RAP1GAP: variants seen among roughly 807,000 people sequenced by gnomAD.
RAP1GAP encodes the protein RAP1 GTPase activating protein, also known as rap1 GTPase-activating protein 1.
In RAP1GAP, 35 loss-of-function variants were observed where a neutral mutation model predicts 87.2. That is an observed-to-expected ratio of 0.40 (90% CI 0.31 to 0.53). The LOEUF (loss-of-function observed/expected upper bound fraction) is 0.53. Among genes scored for constraint, RAP1GAP ranks in the 20% least tolerant of loss-of-function variants. The pLI, the probability that RAP1GAP is intolerant of heterozygous loss-of-function variation, is 0.48. For missense variants in RAP1GAP, 734 were observed against 898.9 expected, an observed-to-expected ratio of 0.82 and a Z score of 2.35; for synonymous variants, 375 against 363.9, an observed-to-expected ratio of 1.03 and a Z score of -0.35.
chr1:21,626,154 G>T, intron 3 of RAP1GAP, 150 bp downstream of exon 3: 1 of 664,638 alleles, frequency 1.5e-6, no homozygotes, highest in Non-Finnish European at 2.6e-6. Context: ...GGGCTCAGGA[G>T]TGGCAACCCC....
chr1:21,617,369 T>C lies in RAP1GAP; in HGVS notation c.228A>G (p.Thr76=). The change falls in exon 7 of 25, where the codon ACA becomes ACG. Residue 76 remains threonine, a synonymous_variant. Coordinates refer to ENST00000374765, the MANE Select transcript of RAP1GAP (RefSeq NM_002885.4). ...IPETEPLQSP[T]TKVKLECNPT... ...GGTTGCACTCGAGCTTCACCTTGGT[T>C]GTGGGCGACTGCAGTGGCTCTGTCT... 1 of 1,600,866 alleles carries C rather than the reference T, an allele frequency of 6.2e-7. No individual in the cohort carries two copies. Among genetic ancestry groups the C allele is most frequent in the Non-Finnish European group, 8.5e-7 (1 of 1,173,828 alleles).
intron 1 of RAP1GAP, among the ~76,000 whole-genome samples, chr1:21,653,580 C>CTTCT (rs1553496401): frequency 0.027 from 3,340 of 122,062 alleles, 137 homozygotes; most frequent in Non-Finnish European, 0.033. Flanking sequence ...TCCTTCCTTC[C>CTTCT]TTCCTTCCTT....
chr1:21,669,164 C>T lies in RAP1GAP; in HGVS notation c.-149+90G>A, dbSNP rs2097499632. The T allele has an allele frequency of 7.5e-6, 9 of 1,192,220 alleles. 1 individual carries two copies. In the South Asian group the frequency reaches 1.3e-4, roughly 17 times the overall value. 73.9% of individuals were successfully genotyped at this position (1,192,220 alleles called of 1,614,324 possible). ...CCCACCCTCCGTCCCCGCCCGCCCGCGCGGGGTCTTCGCTGCGAGCCGACG... is the reference window on the plus strand; with the variant it reads ...CCCACCCTCCGTCCCCGCCCGCCCGTGCGGGGTCTTCGCTGCGAGCCGACG... On this transcript the variant is annotated intron_variant, in intron 1 of 24. Transcript: ENST00000374765. The surrounding 1 kb of genome is among the most constrained non-coding windows in gnomAD (Gnocchi z 5.6).
At chr1:21,642,873 A>C (rs1571219669) in intron 2 of RAP1GAP, among the ~76,000 whole-genome samples, 2 of 80,960 alleles carry the variant, frequency 2.5e-5, no homozygotes, top group Admixed American at 1.1e-4. Flanking sequence ...TCCCTTCCCC[A>C]CTACACACAC....
intron 1 of RAP1GAP, chr1:21,651,698 C>T: frequency 7.1e-7 from 1 of 1,406,108 alleles, no homozygotes; most frequent in East Asian, 2.5e-5. Context: ...CAAACGCGAG[C>T]ACACCCCGCA....
chr1:21,641,584 AT>A (rs2095529722), intron 2 of RAP1GAP, among the ~76,000 whole-genome samples: 1 of 152,204 alleles, frequency 6.6e-6, no homozygotes, highest in African/African-American at 2.4e-5. Context: ...TCACTGCTGC[AT>A]CCCCAGTTCT....
chr1:21,611,355 G>A, intron 13 of RAP1GAP, 97 bp downstream of exon 13: 1 of 1,449,478 alleles, frequency 6.9e-7, no homozygotes, highest in Non-Finnish European at 9.3e-7. Flanking sequence ...CTCCATCCCA[G>A]GGCCCAGCGC....
At chr1:21,655,557 C>T (rs2096827404) in intron 1 of RAP1GAP, among the ~76,000 whole-genome samples, 2 of 152,266 alleles carry the variant, frequency 1.3e-5, no homozygotes, top group South Asian at 2.1e-4. Context: ...TGCTGACTGG[C>T]ACTGGGAAGT....
chr1:21,650,221 A>G (rs1284163795), intron 1 of RAP1GAP, among the ~76,000 whole-genome samples: 1 of 151,588 alleles, frequency 6.6e-6, no homozygotes. Flanking sequence ...AAAGAACATC[A>G]CCCCCAAGGC....
intron 2 of RAP1GAP, among the ~76,000 whole-genome samples, chr1:21,632,301 C>T (rs962273030): frequency 3.3e-5 from 5 of 152,180 alleles, no homozygotes; most frequent in Non-Finnish European, 7.3e-5. Flanking sequence ...CACTGCACCT[C>T]CTCCCCCTCC....
chr1:21,640,052 C>T (rs1239821707), intron 2 of RAP1GAP, among the ~76,000 whole-genome samples: 2 of 150,896 alleles, frequency 1.3e-5, no homozygotes, highest in Non-Finnish European at 1.5e-5. Flanking sequence ...TCCCCATCCC[C>T]GGCCCCCCTC....
At chr1:21,639,128 A>G (rs1312395974) in intron 2 of RAP1GAP, among the ~76,000 whole-genome samples, 3 of 152,198 alleles carry the variant, frequency 2.0e-5, no homozygotes, top group Admixed American at 1.3e-4. Context: ...AGGGCTGTCT[A>G]CTTCATTTGT....
At position 21,669,273 on chromosome 1, in the gene RAP1GAP, G is replaced by T. The variant is rs528203853; in HGVS notation, c.-168C>A. ...ACTCACCCAAGGGCCTGGGCCGGGG[G>T]CGTCCTGGGCTCGGCACTCTGGTGC... On this transcript the variant is annotated 5_prime_UTR_variant, in exon 1 of 25. Transcript: ENST00000374765. This position sits in a 1 kb window ranked among gnomAD's most constrained non-coding sequence, Gnocchi z 5.6. The T allele has an allele frequency of 1.9e-4, 227 of 1,216,664 alleles. No homozygotes were observed. In the Middle Eastern group the frequency reaches 2.5e-3, roughly 13 times the overall value. 75.4% of individuals were successfully genotyped at this position (1,216,664 alleles called of 1,614,324 possible).
chr1:21,645,858 C>G (rs2096004625), intron 2 of RAP1GAP, among the ~76,000 whole-genome samples: 2 of 152,260 alleles, frequency 1.3e-5, no homozygotes, highest in Admixed American at 1.3e-4. Context: ...GCCCCAGGGC[C>G]TCTGGCTCAG....
intron 2 of RAP1GAP, among the ~76,000 whole-genome samples, chr1:21,638,993 C>A (rs72876070): frequency 6.6e-6 from 1 of 152,130 alleles, no homozygotes; most frequent in Non-Finnish European, 1.5e-5. Flanking sequence ...CAACCTGCTC[C>A]GAGGGTCAGG....
chr1:21,622,328 C>G lies in RAP1GAP; in HGVS notation c.-18-2278G>C. On this transcript the variant is annotated intron_variant, in intron 3 of 24. Coordinates refer to ENST00000374765, the MANE Select transcript of RAP1GAP (RefSeq NM_002885.4). The surrounding 1 kb of genome is among the most constrained non-coding windows in gnomAD (Gnocchi z 5.7). ...GGTCCCTCCGCCATGCCGCCCCGCC[C>G]GGGTCCTCACCTGCCAGCTGGCCCC... The G allele has an allele frequency of 2.0e-6, 1 of 504,800 alleles. No individual in the cohort carries two copies. The highest frequency in any genetic ancestry group is 3.7e-5 in the East Asian group (1 of 27,342). The allele number at this position is 504,800 out of a possible 1,614,324, so 31.3% of individuals were successfully genotyped here.
chr1:21,602,516 C>G (rs889697731), intron 19 of RAP1GAP, among the ~76,000 whole-genome samples: 2 of 152,232 alleles, frequency 1.3e-5, no homozygotes, highest in Non-Finnish European at 2.9e-5. Flanking sequence ...GATGCTGGCC[C>G]TAGACAGATC....
chr1:21,617,448 T>C lies in RAP1GAP; in HGVS notation c.149A>G (p.Gln50Arg). ...GCCCTCAATCCAGTAGCCCCCAAACTGGGGCAGCAGGATGAGGGGGAAGGG... is the reference window on the plus strand; with the variant it reads ...GCCCTCAATCCAGTAGCCCCCAAACCGGGGCAGCAGGATGAGGGGGAAGGG... The part of the protein sequence containing the change: ...EGPFPLILLP[Q>R]FGGYWIEGTN... The change falls in exon 7 of 25, where the codon CAG (glutamine) becomes CGG (arginine). Residue 50 changes from glutamine to arginine, a missense_variant. Transcript: ENST00000374765. 6.2e-7 allele frequency: 1 copy of C among 1,606,400 alleles called. No homozygotes were observed. Among genetic ancestry groups the C allele is most frequent in the Non-Finnish European group, 8.5e-7 (1 of 1,176,874 alleles).
At chr1:21,600,058 A>T (rs550641219) in intron 20 of RAP1GAP, among the ~76,000 whole-genome samples, 1 of 152,224 alleles carries the variant, frequency 6.6e-6, no homozygotes, top group Admixed American at 6.5e-5. Flanking sequence ...CACAGAGGGG[A>T]CAGGCACACA....
Sources: gnomAD v4.1 joint callset for allele counts (sites outside exome capture counted in the v4.1 genomes callset) on GRCh38, gnomAD v4.1.1 for gene constraint, Gnocchi (gnomAD v3.1) non-coding constraint, MANE v1.5 for transcripts, NCBI Gene and HGNC (gene_info 2026-07-23, HGNC 2026-07-21) for gene names.